GTF3C2: variants seen among roughly 807,000 people sequenced by gnomAD.
GTF3C2 encodes the protein general transcription factor 3C polypeptide 2.
Under a neutral mutation model 117.4 loss-of-function variants are expected in GTF3C2, and 17 were observed. The observed-to-expected ratio is 0.14, with a 90% CI of 0.10 to 0.22. The LOEUF (loss-of-function observed/expected upper bound fraction) is 0.22, where lower values mean the gene tolerates loss of function less well. Among genes scored for constraint, GTF3C2 ranks in the 10% least tolerant of loss-of-function variants. The pLI, the probability that GTF3C2 is intolerant of heterozygous loss-of-function variation, is 1.00. For missense variants in GTF3C2, 888 were observed against 1,143.6 expected, an observed-to-expected ratio of 0.78 and a Z score of 3.22; for synonymous variants, 437 against 427.0, an observed-to-expected ratio of 1.02 and a Z score of -0.29.
chr2:27,355,938 C>T (rs1681358247), intron 1 of GTF3C2: 1 of 430,900 alleles, frequency 2.3e-6, no homozygotes, highest in Non-Finnish European at 4.5e-6. Flanking sequence ...TAGGTCGAGA[C>T]TAATGCATTT....
chr2:27,327,490 G>A (rs892178561), intron 17 of GTF3C2, among the ~76,000 whole-genome samples: 2 of 151,554 alleles, frequency 1.3e-5, no homozygotes, highest in African/African-American at 4.9e-5. Flanking sequence ...ACGCCCGGCA[G>A]ATTTTTTGTA....
chr2:27,348,037 C>G (rs1014528859), intron 1 of GTF3C2, among the ~76,000 whole-genome samples: 4 of 152,062 alleles, frequency 2.6e-5, no homozygotes, highest in African/African-American at 9.7e-5. Flanking sequence ...TTAGGAGGCC[C>G]GGACGGGCCA....
exon 4 of GTF3C2, chr2:27,342,090 T>C (rs1558619598): frequency 6.2e-7 from 1 of 1,614,042 alleles, no homozygotes; most frequent in Non-Finnish European, 8.5e-7. Context: ...ACCATCCACC[T>C]CTTCTCCACC....
At chr2:27,354,613 G>A (rs1272981622) in intron 1 of GTF3C2, among the ~76,000 whole-genome samples, 7 of 152,038 alleles carry the variant, frequency 4.6e-5, no homozygotes, top group African/African-American at 7.3e-5. Context: ...AAATTAGCCC[G>A]GCGTGGTGGC....
In GTF3C2 at chr2:27,332,454, C is replaced by T. The variant is rs187359082; in HGVS notation, c.1732+1201G>A. Reference sequence around the variant, plus strand: ...TTTTGAGACAGAGTCTCGCTCTGTCCTCCAGGCTAGAGTACAGTGGCACCA... The same window carrying T: ...TTTTGAGACAGAGTCTCGCTCTGTCTTCCAGGCTAGAGTACAGTGGCACCA... On this transcript the variant is annotated intron_variant, in intron 12 of 18. Transcript: ENST00000264720. Among the ~76,000 whole-genome samples, 509 of 151,712 alleles carry T rather than the reference C, an allele frequency of 3.4e-3. 1 individual carries two copies. The Middle Eastern group carries it at 0.037, about 11-fold the overall frequency.
intron 12 of GTF3C2, among the ~76,000 whole-genome samples, chr2:27,332,341 A>C (rs1680302608): frequency 6.6e-6 from 1 of 151,066 alleles, no homozygotes. Context: ...CTTTCCTCTA[A>C]TCTTTCTATT....
intron 1 of GTF3C2, among the ~76,000 whole-genome samples, chr2:27,345,060 G>C (rs1680870276): frequency 6.6e-6 from 1 of 151,476 alleles, no homozygotes; most frequent in South Asian, 2.1e-4. Flanking sequence ...AAGGCAGAAG[G>C]ATGGCTTGAG....
Position 27,343,157 on chromosome 2 carries a change from A to T in GTF3C2, c.248-10T>A. The T allele has an allele frequency of 1.3e-6, 2 of 1,552,736 alleles. No individual in the cohort carries two copies. Among genetic ancestry groups the T allele is most frequent in the Non-Finnish European group, 1.7e-6 (2 of 1,149,520 alleles). ...ATCTCTGAAGAAAGATCTGTGGAGAAGAATATGGGTCTGTGAGATGGGACC... is the reference window on the plus strand; with the variant it reads ...ATCTCTGAAGAAAGATCTGTGGAGATGAATATGGGTCTGTGAGATGGGACC... On this transcript the variant is annotated splice_polypyrimidine_tract_variant and intron_variant, in intron 2 of 18. Coordinates refer to ENST00000264720, the Ensembl canonical transcript of GTF3C2.
In GTF3C2 at chr2:27,329,290, A is replaced by C. The variant is rs1680199535; in HGVS notation, c.1878-8T>G. ...GCAGAGACAAGGAAATGGCTGTAAA[A>C]AGACGGGAGAAGGTCAAATCCAAAC... is the stretch of plus-strand genomic sequence containing the variant. On this transcript the variant is annotated splice_region_variant and splice_polypyrimidine_tract_variant and intron_variant, in intron 13 of 18. Transcript: ENST00000264720. The surrounding 1 kb of genome is among the most constrained non-coding windows in gnomAD (Gnocchi z 4.5). The C allele has an allele frequency of 1.9e-6, 3 of 1,614,038 alleles. No homozygotes were observed. Among genetic ancestry groups the C allele is most frequent in the Non-Finnish European group, 2.5e-6 (3 of 1,180,016 alleles).
At chr2:27,356,052 G>A (rs1296717609) in intron 1 of GTF3C2, 1 of 1,251,110 alleles carries the variant, frequency 8.0e-7, no homozygotes, top group African/African-American at 1.5e-5. Flanking sequence ...ACTTAAAATT[G>A]TATATGCCTC....
At chr2:27,327,810 T>A (rs1033608444) in intron 17 of GTF3C2, among the ~76,000 whole-genome samples, 3 of 151,998 alleles carry the variant, frequency 2.0e-5, no homozygotes, top group African/African-American at 4.8e-5. Flanking sequence ...GTATTTTTAG[T>A]AGAGACGGAG....
chr2:27,350,800 T>C (rs557889555), intron 1 of GTF3C2, among the ~76,000 whole-genome samples: 1 of 151,326 alleles, frequency 6.6e-6, no homozygotes, highest in African/African-American at 2.4e-5. Context: ...AATACAAAAA[T>C]TAGCCAGGCG....
rs1680186065 is a variant in GTF3C2, at chr2:27,328,935, T to A, written c.2040-4A>T. ...ATGAATCCCACAGAGTCCATAACTG[T>A]TAAAAGAGAAATAAATTTAAACCTT... On this transcript the variant is annotated splice_polypyrimidine_tract_variant and splice_region_variant and intron_variant, in intron 14 of 18. Coordinates refer to ENST00000264720, the Ensembl canonical transcript of GTF3C2. 1.3e-6 allele frequency: 2 copies of A among 1,587,338 alleles called. No individual in the cohort carries two copies. Among genetic ancestry groups the A allele is most frequent in the Non-Finnish European group, 8.6e-7 (1 of 1,157,478 alleles).
intron 1 of GTF3C2, chr2:27,356,402 G>C (rs1446361839): frequency 3.7e-6 from 1 of 268,866 alleles, no homozygotes; most frequent in Admixed American, 4.1e-5. Flanking sequence ...AGGAGCCCTG[G>C]TTTTTCTAAC....
intron 1 of GTF3C2, chr2:27,356,094 A>T (rs1214789078): frequency 7.0e-6 from 9 of 1,289,118 alleles, no homozygotes; most frequent in Non-Finnish European, 8.1e-6. Context: ...TACCCTATAC[A>T]TCCCTCCAAC....
Position 27,328,598 on chromosome 2 carries a change from TAATAGA to T in GTF3C2, c.2128-8_2128-3del, listed in dbSNP as rs769968487. 6.3e-5 allele frequency: 102 copies of T among 1,608,840 alleles called. No individual in the cohort carries two copies. The highest frequency in any genetic ancestry group is 8.1e-5 in the Non-Finnish European group (95 of 1,175,522). ...AAGCCAGTCGGATCCTGAAAGACTC[TAATAGA>T]AAGAGACAGATTTCATTCATTCATA... is the stretch of plus-strand genomic sequence containing the variant. On this transcript the variant is annotated splice_polypyrimidine_tract_variant and splice_region_variant and intron_variant, in intron 15 of 18. Coordinates refer to ENST00000264720, the Ensembl canonical transcript of GTF3C2.
intron 5 of GTF3C2, 45 bp from the exon 6 acceptor site, chr2:27,337,603 G>A (rs768940497): frequency 4.7e-6 from 6 of 1,269,746 alleles, no homozygotes; most frequent in Non-Finnish European, 6.9e-6. Flanking sequence ...GGATTCTACA[G>A]CCGCACAGTC....
intron 1 of GTF3C2, among the ~76,000 whole-genome samples, chr2:27,348,136 C>T (rs116610368): frequency 0.01 from 1,546 of 152,168 alleles, 28 homozygotes; most frequent in African/African-American, 0.036. Context: ...GGTGTGGTGC[C>T]GCGTGCCTTA....
intron 4 of GTF3C2, among the ~76,000 whole-genome samples, chr2:27,339,424 A>AG (rs574095854): frequency 0.078 from 11,478 of 146,926 alleles, 753 homozygotes; most frequent in Non-Finnish European, 0.12. Flanking sequence ...AAAAAAAAAA[A>AG]AAAGAAAAAA....
Sources: allele counts gnomAD v4.1 joint callset (sites outside exome capture counted in the v4.1 genomes callset), GRCh38; gene constraint gnomAD v4.1.1; non-coding constraint Gnocchi (gnomAD v3.1); transcripts MANE v1.5; gene names NCBI Gene and HGNC (gene_info 2026-07-23, HGNC 2026-07-21).